The following SNTB1 variants were observed in gnomAD, a reference collection of about 807,000 sequenced individuals.
The protein encoded by SNTB1 is syntrophin beta 1, also known as beta-1-syntrophin.
A neutral mutation model predicts 48.9 loss-of-function variants in SNTB1; 36 were observed. The ratio of observed to expected loss-of-function variants is 0.74; its 90% confidence interval spans 0.56 to 0.97. The LOEUF is 0.97. Ranked by LOEUF, SNTB1 falls within the 50% of genes least tolerant of loss-of-function variation. SNTB1 has a pLI of 0.00. For missense variants in SNTB1, 786 were observed against 703.4 expected, an observed-to-expected ratio of 1.12 and a Z score of -1.33; for synonymous variants, 299 against 294.6, an observed-to-expected ratio of 1.01 and a Z score of -0.15.
intron 3 of SNTB1, among the ~76,000 whole-genome samples, chr8:120,612,364 A>C (rs1167589472): frequency 6.6e-6 from 1 of 152,240 alleles, no homozygotes; most frequent in African/African-American, 2.4e-5. Flanking sequence ...TCACAAGGCT[A>C]GTAAGTCATA....
chr8:120,758,972 T>C (rs1449456876), intron 1 of SNTB1, among the ~76,000 whole-genome samples: 2 of 152,140 alleles, frequency 1.3e-5, no homozygotes, highest in Non-Finnish European at 2.9e-5. Flanking sequence ...TGTCTTGCCA[T>C]GTTGCCTAGG....
intron 1 of SNTB1, among the ~76,000 whole-genome samples, chr8:120,710,379 T>C (rs921255274): frequency 5.3e-5 from 8 of 152,198 alleles, no homozygotes; most frequent in African/African-American, 1.9e-4. Flanking sequence ...ATGTGGCTGA[T>C]AGCTGCACAA....
rs191364506 is a variant in SNTB1, at chr8:120,615,167, A to G, written c.996+17277T>C. Among the ~76,000 whole-genome samples the G allele has an allele frequency of 3.4e-3, 519 of 152,122 alleles. 1 individual carries two copies. Among genetic ancestry groups the G allele is most frequent in the Non-Finnish European group, 5.5e-3 (374 of 67,994 alleles). ...TACATCTCAAAACAAAACAAAAAAA[A>G]CAAAACAAAAAGATGCTAGTGCACT... On this transcript the variant is annotated intron_variant, in intron 3 of 6. Transcript: ENST00000517992.
intron 3 of SNTB1, among the ~76,000 whole-genome samples, chr8:120,591,099 T>C (rs1816233488): frequency 6.6e-6 from 1 of 152,176 alleles, no homozygotes; most frequent in African/African-American, 2.4e-5. Flanking sequence ...ACACAAAACA[T>C]ATACCCTAAC....
At chr8:120,700,376 C>T (rs563000896) in intron 1 of SNTB1, among the ~76,000 whole-genome samples, 1 of 152,074 alleles carries the variant, frequency 6.6e-6, no homozygotes, top group Non-Finnish European at 1.5e-5. Flanking sequence ...AGAACTGAAC[C>T]ACTAGTGTCT....
rs201399849 is a variant in SNTB1 at position 120,590,680 on chromosome 8, C to CT, written c.997-15456dup. 9.1e-3 allele frequency among the ~76,000 whole-genome samples: 1,188 copies of CT among 130,970 alleles called. 28 individuals carry two copies. Among genetic ancestry groups the CT allele is most frequent in the African/African-American group, 0.026 (762 of 29,546 alleles). The allele number at this position is 130,970 out of a possible 152,430, so 85.9% of individuals were successfully genotyped here. A position where few individuals can be genotyped will look rare whatever the true frequency, so the allele number is the denominator to read the frequency against. On this transcript the variant is annotated intron_variant, in intron 3 of 6. Transcript: ENST00000517992. ...AGGTTTCTTTCTTTTGTTTTCTTTT[C>CT]TTTTCTTTTTTTTTTTTTTTGAGAC...
At chr8:120,673,460 T>C (rs1232047294) in intron 2 of SNTB1, among the ~76,000 whole-genome samples, 1 of 151,932 alleles carries the variant, frequency 6.6e-6, no homozygotes, top group Non-Finnish European at 1.5e-5. Flanking sequence ...CCAGTTAATT[T>C]TTGTAGTTTT....
intron 3 of SNTB1, among the ~76,000 whole-genome samples, chr8:120,622,496 C>G (rs1816809709): frequency 6.6e-6 from 1 of 151,842 alleles, no homozygotes; most frequent in African/African-American, 2.4e-5. Context: ...AATAAAAAGC[C>G]CAAACCAAAC....
chr8:120,636,399 C>A (rs1214054156), intron 2 of SNTB1, among the ~76,000 whole-genome samples: 2 of 116,450 alleles, frequency 1.7e-5, no homozygotes, highest in Admixed American at 9.5e-5. Flanking sequence ...CCCCTCCCCC[C>A]ACCCCACAAC....
rs368352992 is a variant in SNTB1 at position 120,793,221 on chromosome 8, A to G, written c.571+18052T>C. On this transcript the variant is annotated intron_variant, in intron 1 of 6. Transcript: ENST00000517992. ...GAAATGTGCCTTATTTGGCATAAGGAGAGGGTGGGGGAAAGAGAGGTGGAA... is the reference window on the plus strand; with the variant it reads ...GAAATGTGCCTTATTTGGCATAAGGGGAGGGTGGGGGAAAGAGAGGTGGAA... 2.4e-3 allele frequency among the ~76,000 whole-genome samples: 358 copies of G among 152,054 alleles called. 1 individual carries two copies. The highest frequency in any genetic ancestry group is 8.2e-3 in the African/African-American group (341 of 41,510).
chr8:120,733,490 A>G (rs556419045), intron 1 of SNTB1, among the ~76,000 whole-genome samples: 110 of 152,388 alleles, frequency 7.2e-4, no homozygotes, highest in Non-Finnish European at 2.6e-4. Context: ...CAATTAAGCC[A>G]ACCAAGTAAT....
intron 3 of SNTB1, among the ~76,000 whole-genome samples, chr8:120,593,735 T>C (rs1816279439): frequency 6.6e-6 from 1 of 152,180 alleles, no homozygotes; most frequent in Non-Finnish European, 1.5e-5. Context: ...AATGAGAAAA[T>C]TGTTTGGGGA....
intron 2 of SNTB1, among the ~76,000 whole-genome samples, chr8:120,693,052 G>T (rs1453619530): frequency 6.6e-6 from 1 of 152,132 alleles, no homozygotes; most frequent in Non-Finnish European, 1.5e-5. Context: ...GGGGCAGGGG[G>T]TGCCGACAAG....
chr8:120,730,113 C>T (rs888515956), intron 1 of SNTB1, among the ~76,000 whole-genome samples: 1 of 152,112 alleles, frequency 6.6e-6, no homozygotes, highest in African/African-American at 2.4e-5. Context: ...CCCACCTATC[C>T]TATGCCAGGA....
chr8:120,659,696 A>G (rs1432229410), intron 2 of SNTB1, among the ~76,000 whole-genome samples: 1 of 152,200 alleles, frequency 6.6e-6, no homozygotes, highest in Non-Finnish European at 1.5e-5. Context: ...GCCTTATGAA[A>G]CATATTTAAG....
intron 4 of SNTB1, among the ~76,000 whole-genome samples, chr8:120,561,319 C>CAAA (rs1221884195): frequency 4.2e-4 from 19 of 45,614 alleles, no homozygotes; most frequent in Admixed American, 5.8e-4. Context: ...AACTCCATCT[C>CAAA]AAAAAAAAAA....
chr8:120,745,589 T>C (rs905135801), intron 1 of SNTB1, among the ~76,000 whole-genome samples: 4 of 152,112 alleles, frequency 2.6e-5, no homozygotes, highest in Non-Finnish European at 5.9e-5. Flanking sequence ...GAGCCCTTCC[T>C]AGCTCCCTCA....
At chr8:120,788,369 C>T (rs1587163476) in intron 1 of SNTB1, among the ~76,000 whole-genome samples, 1 of 152,040 alleles carries the variant, frequency 6.6e-6, no homozygotes, top group East Asian at 1.9e-4. Flanking sequence ...CTGGAACAGT[C>T]ATTCACATTC....
At chr8:120,630,785 G>A (rs4324958) in intron 3 of SNTB1, among the ~76,000 whole-genome samples, 103,999 of 152,036 alleles carry the variant, frequency 0.68, 35,842 homozygotes, top group East Asian at 0.76. Flanking sequence ...AGACTGAACG[G>A]ATTATCCAAG....
Sources: allele counts gnomAD v4.1 joint callset (sites outside exome capture counted in the v4.1 genomes callset), GRCh38; gene constraint gnomAD v4.1.1; transcripts MANE v1.5; gene names NCBI Gene and HGNC (gene_info 2026-07-23, HGNC 2026-07-21).